The following LYRM7 variants were observed in gnomAD, a reference collection of about 807,000 sequenced individuals.
The protein encoded by LYRM7 is LYR motif containing 7, also known as complex III assembly factor LYRM7.
LYRM7 carries 9 observed loss-of-function variants against 15.8 expected under a neutral mutation model. That is an observed-to-expected ratio of 0.57 (90% CI 0.34 to 0.99). The LOEUF is 0.99. LYRM7 is among the 50% of genes least tolerant of loss of function. The pLI is 0.02. For synonymous variants in LYRM7, 39 were observed against 39.4 expected, an observed-to-expected ratio of 0.99 and a Z score of 0.04; for missense variants, 115 against 119.1, an observed-to-expected ratio of 0.97 and a Z score of 0.16.
intron 4 of LYRM7, among the ~76,000 whole-genome samples, chr5:131,192,029 GCATACACACACA>G (rs1484299825): frequency 9.0e-6 from 1 of 110,528 alleles, no homozygotes; most frequent in Non-Finnish European, 1.8e-5. Flanking sequence ...AAAATGTGGT[GCATACACACACA>G]CACACACACA....
rs1755690223 is a variant in LYRM7, at chr5:131,181,301, A to T, written c.92-928A>T. 5.8e-5 allele frequency among the ~76,000 whole-genome samples: 2 copies of T among 34,672 alleles called. 1 individual carries two copies. Among genetic ancestry groups the T allele is most frequent in the African/African-American group, 3.0e-4 (2 of 6,730 alleles). The allele number at this position is 34,672 out of a possible 152,430, so 22.7% of individuals were successfully genotyped here. A position where few individuals can be genotyped will look rare whatever the true frequency, so the allele number is the denominator to read the frequency against. ...AAAAAAAAAAAAAAAAAAAAAAAAA[A>T]AATATATATATATATACACACACAC... On this transcript the variant is annotated intron_variant, in intron 2 of 4. Transcript: ENST00000379380.
Position 131,199,747 on chromosome 5 carries a change from T to C in LYRM7, c.*146T>C. The C allele has an allele frequency of 2.1e-6, 1 of 477,596 alleles. No individual in the cohort carries two copies. Among genetic ancestry groups the C allele is most frequent in the Non-Finnish European group, 3.7e-6 (1 of 266,738 alleles). The allele number at this position is 477,596 out of a possible 1,614,324, so 29.6% of individuals were successfully genotyped here. A position where few individuals can be genotyped will look rare whatever the true frequency, so the allele number is the denominator to read the frequency against. ...AATAGCTTCATATTTAAATTTCATG[T>C]TAAAAGGTCATTACTGAGAACTAAA... On this transcript the variant is annotated 3_prime_UTR_variant, in exon 5 of 5. Coordinates refer to ENST00000379380, the MANE Select transcript of LYRM7 (RefSeq NM_181705.4).
chr5:131,182,097 T>C (rs1364821824), intron 2 of LYRM7, 132 bp from the exon 3 acceptor site: 13 of 796,904 alleles, frequency 1.6e-5, no homozygotes, highest in Non-Finnish European at 2.1e-5. Context: ...TTCTTATTCT[T>C]ATGCTTTGTT....
At chr5:131,198,007 A>G (rs1472545501) in intron 4 of LYRM7, among the ~76,000 whole-genome samples, 1 of 152,092 alleles carries the variant, frequency 6.6e-6, no homozygotes, top group Non-Finnish European at 1.5e-5. Context: ...ACATTTTACC[A>G]TATTTGCCTT....
rs1264394589 is a variant in LYRM7 at position 131,201,706 on chromosome 5, T to G, written c.*2105T>G. 6.6e-6 allele frequency: 1 copy of G among 150,570 alleles called. No homozygotes were observed. The highest frequency in any genetic ancestry group is 2.5e-5 in the African/African-American group (1 of 40,286). 9.3% of individuals were successfully genotyped at this position (150,570 alleles called of 1,614,324 possible). ...TGCACTCCAGCCTAGGCAACAAGAG[T>G]GAAACTCCGTCTCAAAAATAAATAA... On this transcript the variant is annotated 3_prime_UTR_variant, in exon 5 of 5. Transcript: ENST00000379380.
At chr5:131,181,361 T>C (rs1397525981) in intron 2 of LYRM7, among the ~76,000 whole-genome samples, 2 of 29,538 alleles carry the variant, frequency 6.8e-5, no homozygotes, top group Non-Finnish European at 5.2e-5. Context: ...ATATATATAT[T>C]AACATATATA....
chr5:131,180,912 A>C (rs1235934640), intron 2 of LYRM7, among the ~76,000 whole-genome samples: 1 of 152,150 alleles, frequency 6.6e-6, no homozygotes, highest in Non-Finnish European at 1.5e-5. Context: ...GTCCCACATC[A>C]TACTGAGTAA....
At position 131,203,287 on chromosome 5, in the gene LYRM7, A is replaced by G. The variant is rs1278496082; in HGVS notation, c.*3686A>G. 6.6e-6 allele frequency: 1 copy of G among 152,296 alleles called. No homozygotes were observed. Among genetic ancestry groups the G allele is most frequent in the East Asian group, 1.9e-4 (1 of 5,266 alleles). The allele number at this position is 152,296 out of a possible 1,614,324, so 9.4% of individuals were successfully genotyped here. A position where few individuals can be genotyped will look rare whatever the true frequency, so the allele number is the denominator to read the frequency against. ...AATTGCAAACAAAACTGTAAAATAG[A>G]CTTTTTAAAGTCTGGGAATAGACTT... is the stretch of plus-strand genomic sequence containing the variant. On this transcript the variant is annotated 3_prime_UTR_variant, in exon 5 of 5. Transcript: ENST00000379380.
intron 3 of LYRM7, among the ~76,000 whole-genome samples, chr5:131,184,223 T>A (rs10051915): frequency 0.12 from 18,544 of 152,200 alleles, 2,666 homozygotes; most frequent in African/African-American, 0.35. Context: ...CACCTCAGCC[T>A]CCCAAAGTGC....
intron 4 of LYRM7, among the ~76,000 whole-genome samples, chr5:131,193,965 C>CACA (rs1755925168): frequency 6.6e-6 from 1 of 151,852 alleles, no homozygotes. Flanking sequence ...GCCGAGATTG[C>CACA]GCCATTGCAC....
At chr5:131,187,207 T>C in intron 4 of LYRM7, 98 bp downstream of exon 4, 1 of 687,384 alleles carries the variant, frequency 1.5e-6, no homozygotes, top group Non-Finnish European at 2.5e-6. Flanking sequence ...AACAGCTTGA[T>C]TTTGCCAGAC....
intron 4 of LYRM7, among the ~76,000 whole-genome samples, chr5:131,192,301 T>C (rs1485240339): frequency 6.6e-6 from 1 of 151,900 alleles, no homozygotes; most frequent in Non-Finnish European, 1.5e-5. Flanking sequence ...TAGCTAGAGG[T>C]TGGTTAATGG....
intron 1 of LYRM7, among the ~76,000 whole-genome samples, chr5:131,173,844 A>G (rs990454599): frequency 5.9e-5 from 9 of 152,228 alleles, no homozygotes; most frequent in Admixed American, 3.3e-4. Flanking sequence ...GAAAGTTGTA[A>G]TCTTTTTGCT....
At chr5:131,194,255 T>C (rs185122411) in intron 4 of LYRM7, among the ~76,000 whole-genome samples, 14 of 152,322 alleles carry the variant, frequency 9.2e-5, no homozygotes, top group Non-Finnish European at 1.8e-4. Flanking sequence ...ATAAATATAG[T>C]TGGAGTGCAT....
intron 4 of LYRM7, among the ~76,000 whole-genome samples, chr5:131,197,430 T>C (rs1399166717): frequency 2.6e-5 from 4 of 152,148 alleles, no homozygotes; most frequent in African/African-American, 9.7e-5. Flanking sequence ...TAAGCCAAAT[T>C]TATCATCTGG....
chr5:131,199,176 A>G (rs1297637142), intron 4 of LYRM7, among the ~76,000 whole-genome samples: 3 of 152,230 alleles, frequency 2.0e-5, no homozygotes, highest in East Asian at 3.8e-4. Flanking sequence ...TGCTTTTCAT[A>G]TAGTAGATAG....
rs947091885 is a variant in LYRM7, at chr5:131,199,727, C to A, written c.*126C>A. 1 of 512,632 alleles carries A rather than the reference C, an allele frequency of 2.0e-6. No homozygotes were observed. The highest frequency in any genetic ancestry group is 3.4e-6 in the Non-Finnish European group (1 of 291,938). The allele number at this position is 512,632 out of a possible 1,614,324, so 31.8% of individuals were successfully genotyped here. On this transcript the variant is annotated 3_prime_UTR_variant, in exon 5 of 5. Transcript: ENST00000379380. ...TGAAAATGAATGAATTACAGAATAG[C>A]TTCATATTTAAATTTCATGTTAAAA...
Position 131,199,584 on chromosome 5 carries a change from C to G in LYRM7, c.298C>G (p.Pro100Ala). ...LVENVPYCDA[P>A]TQKQ ...AGAAAATGTGCCATATTGTGATGCA[C>G]CAACTCAGAAGCAATGAGTTTTCTA... Residue 100 changes from proline (P) to alanine (A), a missense_variant, in exon 5 of 5, where the codon CCA becomes GCA. By Grantham distance (27) the Pro-to-Ala change is conservative (BLOSUM62 -1). Transcript: ENST00000379380. 7 of 1,604,090 alleles carry G rather than the reference C, an allele frequency of 4.4e-6. No homozygotes were observed. Among genetic ancestry groups the G allele is most frequent in the Non-Finnish European group, 6.0e-6 (7 of 1,175,228 alleles).
At chr5:131,195,229 A>G (rs899977909) in intron 4 of LYRM7, among the ~76,000 whole-genome samples, 10 of 152,154 alleles carry the variant, frequency 6.6e-5, no homozygotes, top group Admixed American at 6.5e-4. Context: ...GATCACAGCC[A>G]CTGCACTCCA....
Sources: gnomAD v4.1 joint callset for allele counts (sites outside exome capture counted in the v4.1 genomes callset) on GRCh38, gnomAD v4.1.1 for gene constraint, MANE v1.5 for transcripts, NCBI Gene and HGNC (gene_info 2026-07-23, HGNC 2026-07-21) for gene names.